SDK1: variants seen among roughly 807,000 people sequenced by gnomAD.
SDK1 encodes the protein sidekick cell adhesion molecule 1.
A neutral mutation model predicts 245.5 loss-of-function variants in SDK1; 157 were observed. The ratio of observed to expected loss-of-function variants is 0.64; its 90% CI spans 0.56 to 0.73. The LOEUF is 0.73. Among genes scored for constraint, SDK1 ranks in the 30% least tolerant of loss-of-function variants. The pLI, the probability that SDK1 is intolerant of heterozygous loss-of-function variation, is 0.00. For synonymous variants in SDK1, 1,647 were observed against 1,278.5 expected, an observed-to-expected ratio of 1.29 and a Z score of -6.15; for missense variants, 3,583 against 3,002.3, an observed-to-expected ratio of 1.19 and a Z score of -4.52.
intron 20 of SDK1, among the ~76,000 whole-genome samples, chr7:4,075,447 G>A (rs115173556): frequency 0.01 from 1,583 of 152,292 alleles, 34 homozygotes; most frequent in African/African-American, 0.036. Flanking sequence ...GAAGTTTCAG[G>A]TGCGTCCTAG....
intron 1 of SDK1, among the ~76,000 whole-genome samples, chr7:3,462,516 A>C (rs1780864601): frequency 6.6e-6 from 1 of 152,160 alleles, no homozygotes; most frequent in South Asian, 2.1e-4. Context: ...TGATTCAAAA[A>C]TTTATCTGAG....
chr7:3,328,320 T>C (rs948211968), intron 1 of SDK1, among the ~76,000 whole-genome samples: 9 of 152,162 alleles, frequency 5.9e-5, no homozygotes, highest in Non-Finnish European at 1.2e-4. Context: ...AGGCTTATTT[T>C]AAGGTCTACA....
chr7:3,583,130 C>T (rs536330249), intron 1 of SDK1, among the ~76,000 whole-genome samples: 4 of 152,306 alleles, frequency 2.6e-5, no homozygotes, highest in African/African-American at 9.6e-5. Context: ...CAACACTCTG[C>T]AGGCCTCCAG....
rs1272391133 is a variant in SDK1 at position 4,079,508 on chromosome 7, C to T, written c.3248C>T (p.Pro1083Leu). 1.9e-6 allele frequency: 3 copies of T among 1,614,124 alleles called. No homozygotes were observed. In the African/African-American group the frequency reaches 4.0e-5, roughly 22 times the overall value. ...AACCTGGTCATTTCCAACATCAGCC[C>T]TCGCTCCGCCACCCTTCAGTTCCGG... is the stretch of plus-strand genomic sequence containing the variant. ...PSNLVISNIS[P>L]RSATLQFRPG... is the part of the protein sequence containing the mutation. Residue 1083 changes from proline to leucine, a missense_variant, in exon 22 of 45, where the codon CCT (proline) becomes CTT (leucine). By Grantham distance (98) the Pro-to-Leu change is moderately conservative. Coordinates refer to ENST00000404826, the MANE Select transcript of SDK1 (RefSeq NM_152744.4).
Position 4,268,286 on chromosome 7 carries a change from T to TC in SDK1, c.*2905dup. ...AGCCACAGGGATGGGTGTGCAGAGC[T>TC]CCCTCCTCCTGGGGTGCCAGGGCAG... On this transcript the variant is annotated 3_prime_UTR_variant, in exon 45 of 45. Coordinates refer to ENST00000404826, the MANE Select transcript of SDK1 (RefSeq NM_152744.4). The TC allele has an allele frequency of 2.9e-6, 3 of 1,024,302 alleles. No homozygotes were observed. The highest frequency in any genetic ancestry group is 2.3e-6 in the Non-Finnish European group (2 of 853,136). The allele number at this position is 1,024,302 out of a possible 1,614,324, so 63.5% of individuals were successfully genotyped here. A position where few individuals can be genotyped will look rare whatever the true frequency, so the allele number is the denominator to read the frequency against.
intron 35 of SDK1, among the ~76,000 whole-genome samples, chr7:4,185,246 T>C (rs2128221082): frequency 6.6e-6 from 1 of 152,316 alleles, no homozygotes; most frequent in Non-Finnish European, 1.5e-5. Flanking sequence ...GGTGGAGGTA[T>C]GGACAGTGTC....
intron 4 of SDK1, among the ~76,000 whole-genome samples, chr7:3,806,734 T>C (rs563830249): frequency 6.6e-6 from 1 of 152,242 alleles, no homozygotes; most frequent in Non-Finnish European, 1.5e-5. Flanking sequence ...CAATTACGTT[T>C]TATGTTATTG....
At chr7:4,205,824 C>A (rs1394922618) in intron 35 of SDK1, 55 bp from the exon 36 acceptor site, 50 of 1,406,702 alleles carry the variant, frequency 3.6e-5, no homozygotes, top group Non-Finnish European at 4.7e-5. Flanking sequence ...GGGCGAGGGT[C>A]CGGGCCGGCT....
chr7:4,011,019 A>G lies in SDK1; in HGVS notation c.2185A>G (p.Thr729Ala), dbSNP rs200705278. 1 of 1,614,206 alleles carries G rather than the reference A, an allele frequency of 6.2e-7. No homozygotes were observed. ...CGTTGGCCCTGAGATGACAGGCGTC[A>G]CCGTGAGTGGCCTGACTCCGGCTCG... ...SNVGPEMTGV[T>A]VSGLTPARTY... The change falls in exon 15 of 45, where the codon ACC becomes GCC. Residue 729 changes from threonine to alanine, a missense_variant. Transcript: ENST00000404826.
At chr7:3,487,644 A>G (rs901303013) in intron 1 of SDK1, among the ~76,000 whole-genome samples, 8 of 148,324 alleles carry the variant, frequency 5.4e-5, no homozygotes, top group African/African-American at 2.0e-4. Context: ...AGTCCCAGCT[A>G]TTCGGAAGAC....
intron 4 of SDK1, among the ~76,000 whole-genome samples, chr7:3,771,079 C>T (rs2115000064): frequency 6.6e-6 from 1 of 152,224 alleles, no homozygotes; most frequent in African/African-American, 2.4e-5. Flanking sequence ...AAATAGGTGG[C>T]TCTGCTGATC....
chr7:3,420,881 C>G (rs1779516709), intron 1 of SDK1, among the ~76,000 whole-genome samples: 1 of 152,148 alleles, frequency 6.6e-6, no homozygotes, highest in African/African-American at 2.4e-5. Context: ...CATGCATTAG[C>G]TATTTATCCT....
intron 1 of SDK1, among the ~76,000 whole-genome samples, chr7:3,350,278 G>T (rs995500937): frequency 1.3e-5 from 2 of 151,962 alleles, no homozygotes; most frequent in Non-Finnish European, 2.9e-5. Flanking sequence ...AAGTTTATCA[G>T]TGTCTGTGTG....
chr7:3,394,291 G>T (rs1228547648), intron 1 of SDK1, among the ~76,000 whole-genome samples: 2 of 152,070 alleles, frequency 1.3e-5, no homozygotes, highest in African/African-American at 2.4e-5. Context: ...TTTGGTGAAC[G>T]TATTATCTAT....
chr7:4,043,871 C>A (rs1788824635), intron 17 of SDK1, among the ~76,000 whole-genome samples: 2 of 152,072 alleles, frequency 1.3e-5, no homozygotes, highest in Admixed American at 1.3e-4. Context: ...CCGTCCTCAA[C>A]CCCAGAGGTT....
chr7:3,972,339 A>G (rs750432322), intron 12 of SDK1, among the ~76,000 whole-genome samples: 13 of 152,230 alleles, frequency 8.5e-5, no homozygotes, highest in African/African-American at 1.4e-4. Context: ...TCGGCCTCCC[A>G]AAGTGCTGGG....
At chr7:3,608,226 A>T (rs1219827957) in intron 1 of SDK1, among the ~76,000 whole-genome samples, 1 of 152,216 alleles carries the variant, frequency 6.6e-6, no homozygotes, top group African/African-American at 2.4e-5. Flanking sequence ...AAAATTATTA[A>T]AATATTCTGT....
chr7:3,929,365 A>C (rs949070899), intron 5 of SDK1, among the ~76,000 whole-genome samples: 3 of 152,186 alleles, frequency 2.0e-5, no homozygotes, highest in Non-Finnish European at 4.4e-5. Flanking sequence ...CCAGGCACTC[A>C]CACCTGCCCA....
intron 5 of SDK1, among the ~76,000 whole-genome samples, chr7:3,868,652 C>G (rs554958791): frequency 6.6e-6 from 1 of 152,282 alleles, no homozygotes; most frequent in African/African-American, 2.4e-5. Flanking sequence ...GCATTCTGCC[C>G]TGATAAAGTC....
Sources: gnomAD v4.1 joint callset for allele counts (sites outside exome capture counted in the v4.1 genomes callset) on GRCh38, gnomAD v4.1.1 for gene constraint, MANE v1.5 for transcripts, NCBI Gene and HGNC (gene_info 2026-07-23, HGNC 2026-07-21) for gene names.